The following ADAM9 variants were observed in gnomAD, a reference collection of about 807,000 sequenced individuals.
ADAM9 encodes ADAM metallopeptidase domain 9.
In ADAM9, 54 loss-of-function variants were observed where a neutral mutation model predicts 108.1. The ratio of observed to expected loss-of-function variants is 0.50; its 90% CI spans 0.40 to 0.63. The LOEUF is 0.63. Among genes scored for constraint, ADAM9 ranks in the 20% least tolerant of loss-of-function variants. The probability of loss-of-function intolerance (pLI) is 0.00; values close to 1 mark genes in which losing one functional copy is unlikely to be tolerated. For synonymous variants in ADAM9, 316 were observed against 336.0 expected, an observed-to-expected ratio of 0.94 and a Z score of 0.65; for missense variants, 830 against 997.7, an observed-to-expected ratio of 0.83 and a Z score of 2.26.
At chr8:39,018,652 A>C in intron 6 of ADAM9, 1 of 604,514 alleles carries the variant, frequency 1.7e-6, no homozygotes, top group Non-Finnish European at 2.9e-6. Context: ...TAAAGTCATT[A>C]GCAGAACTGG....
At chr8:39,020,980 C>T (rs932612011) in intron 7 of ADAM9, among the ~76,000 whole-genome samples, 1 of 151,902 alleles carries the variant, frequency 6.6e-6, no homozygotes, top group Non-Finnish European at 1.5e-5. Context: ...ATTCTTTTAT[C>T]TATGCATTTT....
At chr8:39,010,224 T>G (rs567705273) in intron 2 of ADAM9, among the ~76,000 whole-genome samples, 87 of 152,280 alleles carry the variant, frequency 5.7e-4, no homozygotes, top group African/African-American at 2.1e-3. Flanking sequence ...TTTCTCAGAT[T>G]TCTTTTTAGT....
chr8:39,017,078 GATTCTAAAGCCTCT>G, intron 5 of ADAM9, 127 bp from the exon 6 acceptor site: 1 of 903,718 alleles, frequency 1.1e-6, no homozygotes, highest in Non-Finnish European at 1.7e-6. Flanking sequence ...CTATCTGTCT[GATTCTAAAGCCTCT>G]ATTTTCTTCT....
chr8:39,054,404 T>A, intron 12 of ADAM9, 77 bp from the exon 13 acceptor site: 1 of 1,255,768 alleles, frequency 8.0e-7, no homozygotes. Context: ...AGATTTTAGG[T>A]GTAAGATGAG....
intron 8 of ADAM9, among the ~76,000 whole-genome samples, chr8:39,022,064 T>G (rs1370121932): frequency 7.1e-5 from 10 of 141,572 alleles, no homozygotes; most frequent in Admixed American, 6.3e-4. Flanking sequence ...ATGACAATAT[T>G]TGTGTGTGTG....
At position 39,091,425 on chromosome 8, in the gene ADAM9, A is replaced by G. The variant is rs189734591; in HGVS notation, c.2298+79A>G. The G allele has an allele frequency of 1.8e-4, 221 of 1,221,246 alleles. 1 individual carries two copies. In the African/African-American group the frequency reaches 2.8e-3, roughly 16 times the overall value. The allele number at this position is 1,221,246 out of a possible 1,614,324, so 75.7% of individuals were successfully genotyped here. A position where few individuals can be genotyped will look rare whatever the true frequency, so the allele number is the denominator to read the frequency against. ...TTAAGGATTAAAAACACAGTTATAT[A>G]GCTATAGCTAGAAACATAGATACCT... is the stretch of plus-strand genomic sequence containing the variant. On this transcript the variant is annotated intron_variant, in intron 20 of 21. Coordinates refer to ENST00000487273, the MANE Select transcript of ADAM9 (RefSeq NM_003816.3).
chr8:39,031,461 C>T lies in ADAM9; in HGVS notation c.1130+4651C>T, dbSNP rs532152985. 5.9e-5 allele frequency among the ~76,000 whole-genome samples: 9 copies of T among 152,262 alleles called. No homozygotes were observed. In the South Asian group the frequency reaches 1.0e-3, roughly 18 times the overall value. On this transcript the variant is annotated intron_variant, in intron 11 of 21. Transcript: ENST00000487273. ...AACACAGTCTTGAAGCTTGTGCATG[C>T]GTCACATAGTTCTCGTGCCATGGTT...
rs147812414 is a variant in ADAM9 at position 39,038,929 on chromosome 8, C to G, written c.1131-3017C>G. Among the ~76,000 whole-genome samples the G allele has an allele frequency of 3.3e-5, 5 of 151,904 alleles. No homozygotes were observed. In the East Asian group the frequency reaches 7.7e-4, roughly 23 times the overall value. ...CTTTCTCTGCCAGTCTTTTAAAATC[C>G]TTCCACGTCCTACATCTAGATACTT... On this transcript the variant is annotated intron_variant, in intron 11 of 21. Coordinates refer to ENST00000487273, the MANE Select transcript of ADAM9 (RefSeq NM_003816.3).
At position 39,076,452 on chromosome 8, in the gene ADAM9, A is replaced by T. The variant is rs114961515; in HGVS notation, c.1698-776A>T. Among the ~76,000 whole-genome samples the T allele has an allele frequency of 3.3e-3, 503 of 152,316 alleles. 5 individuals carry two copies. Among genetic ancestry groups the T allele is most frequent in the African/African-American group, 0.011 (476 of 41,558 alleles). On this transcript the variant is annotated intron_variant, in intron 15 of 21. Transcript: ENST00000487273. ...GAACGTGATGGGAGCTAGAATGGGCAGTTTCAGGAGGGTGTAAATTAGAGA... is the reference window on the plus strand; with the variant it reads ...GAACGTGATGGGAGCTAGAATGGGCTGTTTCAGGAGGGTGTAAATTAGAGA...
intron 20 of ADAM9, among the ~76,000 whole-genome samples, chr8:39,097,039 G>A (rs564778629): frequency 6.6e-6 from 1 of 152,208 alleles, no homozygotes; most frequent in South Asian, 2.1e-4. Context: ...CTTTAAATGT[G>A]CCATGTTTCT....
intron 11 of ADAM9, among the ~76,000 whole-genome samples, chr8:39,040,999 A>C (rs193296665): frequency 1.3e-5 from 2 of 152,230 alleles, no homozygotes. Flanking sequence ...AAAACTTTCT[A>C]AGAAGAAAAC....
chr8:39,020,425 C>A (rs1057293585), intron 7 of ADAM9, among the ~76,000 whole-genome samples: 3 of 151,968 alleles, frequency 2.0e-5, no homozygotes, highest in African/African-American at 7.3e-5. Flanking sequence ...ATGATTAGAT[C>A]CCTAACTGAT....
At chr8:39,057,315 AATT>A (rs1234685311) in intron 14 of ADAM9, among the ~76,000 whole-genome samples, 1 of 149,982 alleles carries the variant, frequency 6.7e-6, no homozygotes, top group African/African-American at 2.4e-5. Context: ...AATCTGGAGG[AATT>A]ATTACGTGAA....
intron 14 of ADAM9, among the ~76,000 whole-genome samples, chr8:39,066,856 G>A (rs952806860): frequency 5.3e-5 from 8 of 152,092 alleles, no homozygotes; most frequent in Non-Finnish European, 1.0e-4. Flanking sequence ...TATTGCCTAG[G>A]TTTTCTTCTA....
At chr8:39,079,552 A>G (rs1838954581) in intron 16 of ADAM9, among the ~76,000 whole-genome samples, 1 of 151,960 alleles carries the variant, frequency 6.6e-6, no homozygotes, top group African/African-American at 2.4e-5. Context: ...CTATGTAAAT[A>G]TGATCAACAA....
At chr8:39,012,073 A>G (rs183897509) in intron 3 of ADAM9, among the ~76,000 whole-genome samples, 1 of 152,224 alleles carries the variant, frequency 6.6e-6, no homozygotes, top group Non-Finnish European at 1.5e-5. Context: ...CTACTCACAT[A>G]GACTTTAATA....
chr8:39,082,457 G>A (rs898288018), intron 16 of ADAM9, among the ~76,000 whole-genome samples, 184 bp from the exon 17 acceptor site: 4 of 151,860 alleles, frequency 2.6e-5, no homozygotes, highest in African/African-American at 9.7e-5. Flanking sequence ...AATTAATTTT[G>A]TATCAATTAA....
intron 12 of ADAM9, among the ~76,000 whole-genome samples, chr8:39,045,487 T>C (rs1195442872): frequency 6.7e-6 from 1 of 149,630 alleles, no homozygotes; most frequent in African/African-American, 2.5e-5. Flanking sequence ...CACCTATATG[T>C]GCGTGTGTAT....
At chr8:39,021,148 G>GC (rs1198367045) in intron 7 of ADAM9, among the ~76,000 whole-genome samples, 2 of 151,910 alleles carry the variant, frequency 1.3e-5, no homozygotes, top group Non-Finnish European at 2.9e-5. Context: ...CCTTTTACCT[G>GC]TTTTTCTTTT....
Sources: gnomAD v4.1 joint callset for allele counts (sites outside exome capture counted in the v4.1 genomes callset) on GRCh38, gnomAD v4.1.1 for gene constraint, MANE v1.5 for transcripts, NCBI Gene and HGNC (gene_info 2026-07-23, HGNC 2026-07-21) for gene names.